The following DLGAP1 variants were observed in gnomAD, a reference collection of about 807,000 sequenced individuals.
DLGAP1 encodes disks large-associated protein 1.
In DLGAP1, 11 loss-of-function variants were observed where a neutral mutation model predicts 90.8. The ratio of observed to expected loss-of-function variants is 0.12; its 90% CI spans 0.08 to 0.20. The LOEUF (loss-of-function observed/expected upper bound fraction) is 0.20. Among genes scored for constraint, DLGAP1 ranks in the 10% least tolerant of loss-of-function variants. The pLI is 1.00. For missense variants in DLGAP1, 1,050 were observed against 1,333.8 expected (o/e 0.79, Z 3.31); for synonymous variants, 558 against 540.7 (o/e 1.03, Z -0.44).
chr18:3,522,573 C>T (rs1223559808), intron 10 of DLGAP1, among the ~76,000 whole-genome samples: 49 of 134,990 alleles, frequency 3.6e-4, no homozygotes, highest in Non-Finnish European at 6.4e-4. Flanking sequence ...TTGGAGACCT[C>T]ATTCTGTCGC....
At chr18:3,836,772 C>T (rs918397736) in intron 4 of DLGAP1, among the ~76,000 whole-genome samples, 36 of 152,210 alleles carry the variant, frequency 2.4e-4, no homozygotes, top group African/African-American at 8.4e-4. Context: ...GCCCTCCTAC[C>T]GGATGCGTTG....
At chr18:4,433,685 T>A (rs569839846) in intron 1 of DLGAP1, among the ~76,000 whole-genome samples, 1 of 152,310 alleles carries the variant, frequency 6.6e-6, no homozygotes, top group Admixed American at 6.5e-5. Flanking sequence ...CTTTGACTCA[T>A]TTACTCTCTA....
intron 4 of DLGAP1, among the ~76,000 whole-genome samples, chr18:3,852,364 A>G (rs2069390011): frequency 6.6e-6 from 1 of 152,210 alleles, no homozygotes; most frequent in African/African-American, 2.4e-5. Context: ...ACCTCAGCAA[A>G]GAGTGGAGCA....
At chr18:3,664,335 G>C (rs569007535) in intron 7 of DLGAP1, among the ~76,000 whole-genome samples, 1 of 152,042 alleles carries the variant, frequency 6.6e-6, no homozygotes, top group Non-Finnish European at 1.5e-5. Context: ...CTAAATTCCT[G>C]ATTCAAAATC....
rs2072947373 is a variant in DLGAP1, at chr18:3,949,711, C to T, written c.-73+55405G>A. 3.3e-5 allele frequency among the ~76,000 whole-genome samples: 5 copies of T among 152,248 alleles called. No homozygotes were observed. In the South Asian group the frequency reaches 8.3e-4, roughly 25 times the overall value. On this transcript the variant is annotated intron_variant, in intron 3 of 12. Coordinates refer to ENST00000315677, the MANE Select transcript of DLGAP1 (RefSeq NM_004746.4). ...CAATATAATGTGCAATTGTATTTAA[C>T]ATCACATAAGCAAAATATTTGACAC...
chr18:3,663,475 T>A (rs2059761072), intron 7 of DLGAP1, among the ~76,000 whole-genome samples: 1 of 152,134 alleles, frequency 6.6e-6, no homozygotes, highest in Non-Finnish European at 1.5e-5. Context: ...TTGGTCTGAG[T>A]GGGCTTGTGG....
At chr18:4,131,822 T>C (rs998039663) in intron 2 of DLGAP1, among the ~76,000 whole-genome samples, 5 of 152,226 alleles carry the variant, frequency 3.3e-5, no homozygotes, top group African/African-American at 9.6e-5. Flanking sequence ...TTCTATTGAC[T>C]GTGCAAATGT....
At chr18:3,514,669 A>G (rs2050727871) in intron 10 of DLGAP1, among the ~76,000 whole-genome samples, 1 of 152,240 alleles carries the variant, frequency 6.6e-6, no homozygotes, top group African/African-American at 2.4e-5. Flanking sequence ...CAGTGCATAT[A>G]AAAGTTATGT....
At chr18:4,179,823 T>C (rs1231859713) in intron 1 of DLGAP1, among the ~76,000 whole-genome samples, 1 of 152,198 alleles carries the variant, frequency 6.6e-6, no homozygotes, top group Non-Finnish European at 1.5e-5. Flanking sequence ...TCAACACTTA[T>C]CGAGCCATTA....
chr18:4,142,795 T>C (rs1598474899), intron 2 of DLGAP1, among the ~76,000 whole-genome samples: 1 of 152,188 alleles, frequency 6.6e-6, no homozygotes, highest in Non-Finnish European at 1.5e-5. Flanking sequence ...TTTCTGTCAC[T>C]ATGGGCATAT....
At chr18:4,112,964 G>A (rs558369741) in intron 2 of DLGAP1, among the ~76,000 whole-genome samples, 7 of 152,106 alleles carry the variant, frequency 4.6e-5, no homozygotes, top group African/African-American at 9.6e-5. Flanking sequence ...TAGCTATGTA[G>A]TATTCTGTGG....
rs7232745 is a variant in DLGAP1, at chr18:3,837,601, C to A, written c.958-23328G>T. 9.9e-3 allele frequency among the ~76,000 whole-genome samples: 1,507 copies of A among 152,202 alleles called. 20 individuals carry two copies. The highest frequency in any genetic ancestry group is 0.033 in the African/African-American group (1,354 of 41,534). ...CAGTGGCTCATGCCTGTAATTCTAG[C>A]ACTTCGGGAGGCCGAGGTTGGTAGA... On this transcript the variant is annotated intron_variant, in intron 4 of 12. Transcript: ENST00000315677.
intron 2 of DLGAP1, among the ~76,000 whole-genome samples, chr18:4,115,839 T>C (rs2076055450): frequency 6.6e-6 from 1 of 152,220 alleles, no homozygotes; most frequent in Non-Finnish European, 1.5e-5. Context: ...GTCAAAAATA[T>C]TAAATTTCTA....
chr18:3,507,032 G>C (rs1164406168), intron 11 of DLGAP1, among the ~76,000 whole-genome samples: 1 of 152,110 alleles, frequency 6.6e-6, no homozygotes, highest in Non-Finnish European at 1.5e-5. Flanking sequence ...GTATGGGGCA[G>C]GGGGTGGGAG....
At chr18:3,624,175 A>G (rs1249011363) in intron 7 of DLGAP1, among the ~76,000 whole-genome samples, 1 of 152,226 alleles carries the variant, frequency 6.6e-6, no homozygotes, top group Non-Finnish European at 1.5e-5. Flanking sequence ...GAGCCTGTCC[A>G]ACGGTTGGCC....
intron 3 of DLGAP1, among the ~76,000 whole-genome samples, chr18:3,904,299 C>T (rs1393065934): frequency 1.3e-5 from 2 of 152,162 alleles, no homozygotes; most frequent in Non-Finnish European, 2.9e-5. Flanking sequence ...CAGGTCTAGA[C>T]GAGTTTTGAT....
At chr18:3,761,614 T>C (rs2063969200) in intron 5 of DLGAP1, among the ~76,000 whole-genome samples, 1 of 151,998 alleles carries the variant, frequency 6.6e-6, no homozygotes, top group African/African-American at 2.4e-5. Context: ...CTCACTCTGT[T>C]GCCCAGGCTG....
intron 1 of DLGAP1, among the ~76,000 whole-genome samples, chr18:4,336,192 T>C (rs536959622): frequency 3.9e-5 from 6 of 152,320 alleles, no homozygotes; most frequent in East Asian, 3.9e-4. Context: ...AAAAGATACG[T>C]ATGCACCATA....
At chr18:4,233,773 A>T (rs761882910) in intron 1 of DLGAP1, among the ~76,000 whole-genome samples, 3 of 152,154 alleles carry the variant, frequency 2.0e-5, no homozygotes, top group Non-Finnish European at 2.9e-5. Context: ...TTTTTGATGG[A>T]GATAGAAAGC....
Sources: gnomAD v4.1 joint callset for allele counts (sites outside exome capture counted in the v4.1 genomes callset) on GRCh38, gnomAD v4.1.1 for gene constraint, MANE v1.5 for transcripts, NCBI Gene and HGNC (gene_info 2026-07-23, HGNC 2026-07-21) for gene names.